SMTN: variants seen among roughly 807,000 people sequenced by gnomAD.
The protein encoded by SMTN is smoothelin.
In SMTN, 58 loss-of-function variants were observed where a neutral mutation model predicts 102.0. The observed-to-expected ratio is 0.57, with a 90% confidence interval of 0.46 to 0.71. The LOEUF (loss-of-function observed/expected upper bound fraction) is 0.71. Among genes scored for constraint, SMTN ranks in the 30% least tolerant of loss-of-function variants. The pLI, the probability that SMTN is intolerant of heterozygous loss-of-function variation, is 0.00. For missense variants in SMTN, 1,185 were observed against 1,241.7 expected (o/e 0.95, Z 0.69); for synonymous variants, 478 against 497.9 (o/e 0.96, Z 0.53).
At chr22:31,092,486 C>T in intron 11 of SMTN, 1 of 471,250 alleles carries the variant, frequency 2.1e-6, no homozygotes, top group Non-Finnish European at 4.4e-6. Context: ...TAGCCGGGAG[C>T]TCAGCCGGGA....
intron 11 of SMTN, chr22:31,093,740 G>A (rs1382636020): frequency 6.9e-7 from 1 of 1,444,958 alleles, no homozygotes; most frequent in Non-Finnish European, 9.7e-7. Context: ...CTGGAGCCCA[G>A]CGAGCTGCTC....
At position 31,090,883 on chromosome 22, in the gene SMTN, C is replaced by T. The variant is rs1411376538; in HGVS notation, c.937+4C>T. On this transcript the variant is annotated splice_donor_region_variant and intron_variant, in intron 9 of 20. Transcript: ENST00000333137. ...CGCCAACCAGCCCAGAACCGAGGTA[C>T]TACCTATTCTCACCCTGCCTAGGAT... The T allele has an allele frequency of 2.5e-6, 4 of 1,613,810 alleles. No homozygotes were observed. The highest frequency in any genetic ancestry group is 3.3e-5 in the Admixed American group (2 of 59,980).
At position 31,090,812 on chromosome 22, in the gene SMTN, G is replaced by A. The variant is rs763072517; in HGVS notation, c.870G>A (p.Val290=). 4 of 1,613,424 alleles carry A rather than the reference G, an allele frequency of 2.5e-6. No homozygotes were observed. The highest frequency in any genetic ancestry group is 3.3e-5 in the Admixed American group (2 of 59,994). Reference sequence around the variant, plus strand: ...ACCCCCTCCCCAACCTGCCAGACGTGGCTGGACCCCGACCCTGCCAACGCT... The same window carrying A: ...ACCCCCTCCCCAACCTGCCAGACGTAGCTGGACCCCGACCCTGCCAACGCT... ...RGPSDTKRAD[V]AGPRPCQRSL... The change falls in exon 9 of 21, where the codon GTG becomes GTA. Residue 290 remains valine, a synonymous_variant. Coordinates refer to ENST00000333137, the MANE Select transcript of SMTN (RefSeq NM_134269.3).
At chr22:31,093,649 C>A in intron 11 of SMTN, 1 of 782,598 alleles carries the variant, frequency 1.3e-6, no homozygotes. Flanking sequence ...ACTGAGCCGG[C>A]GGCTGGATGC....
At chr22:31,080,051 C>A (rs1569234854), upstream of SMTN, among the ~76,000 whole-genome samples, 1 of 152,254 alleles carries the variant, frequency 6.6e-6, no homozygotes. Flanking sequence ...GCATGAGCCA[C>A]CGCACCTGGC....
In SMTN at chr22:31,095,448, A is replaced by T. The variant is rs1446635850; in HGVS notation, c.1778A>T (p.Asp593Val). Residue 593 changes from aspartate to valine, a missense_variant, in exon 12 of 21, where the codon GAC (aspartate) becomes GTC (valine). Asp to Val is a radical substitution (Grantham distance 152, BLOSUM62 -3). This residue lies in a region of SMTN where 1,096 missense variants were observed against 1,112.7 expected (regional missense o/e 0.98). Coordinates refer to ENST00000333137, the MANE Select transcript of SMTN (RefSeq NM_134269.3). This position sits in a 1 kb window ranked among gnomAD's most constrained non-coding sequence, Gnocchi z 4.1. Reference sequence around the variant, plus strand: ...ACTATTGAGGATGAAGGAGTCTTGGACAAGATGGTATAGCCAGATCCGGTG... The same window carrying T: ...ACTATTGAGGATGAAGGAGTCTTGGTCAAGATGGTATAGCCAGATCCGGTG... The part of the protein sequence containing the change: ...LMTIEDEGVL[D>V]KMLDQSTDFE... The T allele has an allele frequency of 2.5e-6, 4 of 1,614,150 alleles. No individual in the cohort carries two copies. In the Admixed American group the frequency reaches 5.0e-5, roughly 20 times the overall value.
In SMTN at chr22:31,099,883, T is replaced by C; in HGVS notation, c.2590T>C (p.Phe864Leu). The change falls in exon 19 of 21, where the codon TTC becomes CTC. Residue 864 changes from phenylalanine (F) to leucine (L), a missense_variant. By Grantham distance (22) the Phe-to-Leu change is conservative. Coordinates refer to ENST00000333137, the MANE Select transcript of SMTN (RefSeq NM_134269.3). ...CCGACGCCAGAACTTCGAGGTGGCC[T>C]TCTCATCTGCGGAGTAAGTGTGGGC... is the stretch of plus-strand genomic sequence containing the variant. ...QNRRQNFEVA[F>L]SSAETHADCP... 1 of 1,613,996 alleles carries C rather than the reference T, an allele frequency of 6.2e-7. No individual in the cohort carries two copies.
chr22:31,093,741 C>G, intron 11 of SMTN: 1 of 1,444,512 alleles, frequency 6.9e-7, no homozygotes, highest in Non-Finnish European at 9.7e-7. Context: ...TGGAGCCCAG[C>G]GAGCTGCTCC....
At chr22:31,070,861 T>A (rs1602572128) in intron 1 of SMTN, among the ~76,000 whole-genome samples, 1 of 138,184 alleles carries the variant, frequency 7.2e-6, no homozygotes, top group Non-Finnish European at 1.6e-5. Context: ...GAAGCAGAGG[T>A]TGCAGTGAGC....
intron 2 of SMTN, chr22:31,084,903 T>A: frequency 1.6e-6 from 2 of 1,261,750 alleles, no homozygotes; most frequent in South Asian, 1.9e-5. Flanking sequence ...GCTGGCCTCG[T>A]GGCAAGAACG....
chr22:31,098,086 G>A (rs2043745783), intron 16 of SMTN, among the ~76,000 whole-genome samples: 1 of 152,244 alleles, frequency 6.6e-6, no homozygotes, highest in Admixed American at 6.5e-5. Context: ...AACAGAGGCT[G>A]TTGGGGCTGG....
intron 14 of SMTN, 50 bp downstream of exon 14, chr22:31,096,947 TC>T: frequency 6.2e-7 from 1 of 1,612,498 alleles, no homozygotes. Context: ...GAACACATCC[TC>T]CCCCAGCCCC....
Position 31,094,248 on chromosome 22 carries a change from C to T in SMTN, c.1633-1055C>T, listed in dbSNP as rs13433668. On this transcript the variant is annotated intron_variant, in intron 11 of 20. Coordinates refer to ENST00000333137, the MANE Select transcript of SMTN (RefSeq NM_134269.3). ...GGCTTGGGGCCTTGTCTTCAAGGGG[C>T]TAGGGAGATGCCCTGGGAGGGCTGC... Among the ~76,000 whole-genome samples, 932 of 152,302 alleles carry T rather than the reference C, an allele frequency of 6.1e-3. 12 individuals carry two copies. The highest frequency in any genetic ancestry group is 0.02 in the African/African-American group (834 of 41,560).
chr22:31,070,024 A>G (rs1042666899), intron 1 of SMTN, among the ~76,000 whole-genome samples: 2 of 152,180 alleles, frequency 1.3e-5, no homozygotes, highest in African/African-American at 4.8e-5. Context: ...CAGGGGAGTG[A>G]CATGTTGAAG....
chr22:31,065,797 G>A (rs541461494), intron 1 of SMTN: 3 of 152,016 alleles, frequency 2.0e-5, no homozygotes, highest in African/African-American at 7.2e-5. Context: ...GTTATGTGTA[G>A]ATCCATGACC....
intron 1 of SMTN, 109 bp downstream of exon 1, chr22:31,081,565 A>G (rs1298481225): frequency 6.6e-6 from 1 of 152,240 alleles, no homozygotes; most frequent in Non-Finnish European, 1.5e-5. Flanking sequence ...GGGAGCCCCC[A>G]CCCATACGAG....
chr22:31,089,253 T>A lies in SMTN; in HGVS notation c.471+284T>A, dbSNP rs545151183. Among the ~76,000 whole-genome samples, 12 of 152,280 alleles carry A rather than the reference T, an allele frequency of 7.9e-5. No individual in the cohort carries two copies. In the East Asian group the frequency reaches 2.1e-3, roughly 27 times the overall value. On this transcript the variant is annotated intron_variant, in intron 6 of 20. Transcript: ENST00000333137. ...AGACCCCAGCTGGCTCACAGTTCAC[T>A]CTATTTTCCAGAGTGTGGGTGAGAG...
intron 19 of SMTN, 109 bp from the exon 20 acceptor site, chr22:31,100,776 C>G (rs1211705318): frequency 1.7e-5 from 11 of 635,270 alleles, no homozygotes; most frequent in Non-Finnish European, 2.9e-5. Context: ...GTGTGTGTGT[C>G]TCTGTTTCCT....
intron 2 of SMTN, chr22:31,084,940 C>G (rs1276143652): frequency 2.2e-6 from 3 of 1,366,420 alleles, no homozygotes; most frequent in Admixed American, 3.6e-5. Context: ...GGCTCCTCCC[C>G]GCGGGGCCGG....
Sources: gnomAD v4.1 joint callset for allele counts (sites outside exome capture counted in the v4.1 genomes callset) on GRCh38, gnomAD v4.1.1 for gene constraint, gnomAD v4.1.1 regional missense constraint, Gnocchi (gnomAD v3.1) non-coding constraint, MANE v1.5 for transcripts, NCBI Gene and HGNC (gene_info 2026-07-23, HGNC 2026-07-21) for gene names.